The following GLIS2 variants were observed in gnomAD, a reference collection of about 807,000 sequenced individuals.
GLIS2 encodes the protein GLIS family zinc finger 2, also known as zinc finger protein GLIS2.
Under a neutral mutation model 35.6 loss-of-function variants are expected in GLIS2, and 14 were observed. The ratio of observed to expected loss-of-function variants is 0.39; its 90% confidence interval spans 0.26 to 0.61. The LOEUF (loss-of-function observed/expected upper bound fraction) is 0.61. Ranked by LOEUF, GLIS2 falls within the 20% of genes least tolerant of loss-of-function variation. The pLI is 0.48. For synonymous variants in GLIS2, 368 were observed against 325.1 expected (o/e 1.13, Z -1.42); for missense variants, 675 against 713.4 (o/e 0.95, Z 0.61).
intron 1 of GLIS2, among the ~76,000 whole-genome samples, chr16:4,323,444 AGCAGCGGGCAG>A (rs1261545906): frequency 3.9e-5 from 6 of 151,954 alleles, no homozygotes; most frequent in African/African-American, 9.7e-5. Flanking sequence ...GCAAAGGTGC[AGCAGCGGGCAG>A]GCAGCGGGGG....
chr16:4,335,305 C>G lies in GLIS2; in HGVS notation c.687C>G (p.His229Gln). Residue 229 changes from histidine (H) to glutamine (Q), a missense_variant, in exon 6 of 7, where the codon CAC (histidine) becomes CAG (glutamine). Physicochemically the swap from His to Gln is conservative, Grantham distance 24. Around this residue, in one of 3 missense-constraint regions of GLIS2, gnomAD observed 133 missense variants for 191.4 expected, o/e 0.69. Transcript: ENST00000433375. The surrounding 1 kb of genome is among the most constrained non-coding windows in gnomAD (Gnocchi z 4.6). ...AGATGCTCATCCACATCCGCACACA[C>G]ACCAACGAGAAGCCACACCGCTGTC... ...RYKMLIHIRT[H>Q]TNEKPHRCPT... 1 of 1,613,848 alleles carries G rather than the reference C, an allele frequency of 6.2e-7. No homozygotes were observed. The highest frequency in any genetic ancestry group is 8.5e-7 in the Non-Finnish European group (1 of 1,180,036).
At position 4,333,334 on chromosome 16, in the gene GLIS2, G is replaced by C; in HGVS notation, c.173-13G>C. ...TACACTCCAGCACACCCTGAACTGT[G>C]CCTCTCCCTCAGGCTTCCTGCTGAA... On this transcript the variant is annotated splice_polypyrimidine_tract_variant and intron_variant, in intron 2 of 6. Coordinates refer to ENST00000433375, the MANE Select transcript of GLIS2 (RefSeq NM_032575.3). The C allele has an allele frequency of 6.2e-7, 1 of 1,612,664 alleles. No individual in the cohort carries two copies. Among genetic ancestry groups the C allele is most frequent in the Non-Finnish European group, 8.5e-7 (1 of 1,180,002 alleles).
chr16:4,327,882 C>T (rs544699965), intron 1 of GLIS2, among the ~76,000 whole-genome samples: 1 of 152,282 alleles, frequency 6.6e-6, no homozygotes, highest in African/African-American at 2.4e-5. Flanking sequence ...CGGCCACCCC[C>T]ACCCCCCACC....
chr16:4,337,320 C>T lies in GLIS2; in HGVS notation c.1371C>T (p.Gly457=). 1.3e-6 allele frequency: 2 copies of T among 1,574,902 alleles called. No homozygotes were observed. The highest frequency in any genetic ancestry group is 1.2e-5 in the South Asian group (1 of 86,166). Residue 457 remains glycine (G), a synonymous_variant, in exon 7 of 7, where the codon GGC becomes GGT. Transcript: ENST00000433375. ...GGTCGGTGCCCACCAGGGCCCTGGG[C>T]ATGGAGGGCCACAAGACGCCCCTTG... The part of the protein sequence containing the change: ...GRGSVPTRAL[G]MEGHKTPLER...
rs898903905 is a variant in GLIS2, at chr16:4,321,552, G to A, written c.-67+5298G>A. Reference sequence around the variant, plus strand: ...GAGTGGTTGGGGTTGTTGGAGCTTCGGCTGTCCTCTCAGCAGGCCCCCTCC... The same window carrying A: ...GAGTGGTTGGGGTTGTTGGAGCTTCAGCTGTCCTCTCAGCAGGCCCCCTCC... On this transcript the variant is annotated intron_variant, in intron 1 of 6. Transcript: ENST00000433375. Among the ~76,000 whole-genome samples, 6 of 152,134 alleles carry A rather than the reference G, an allele frequency of 3.9e-5. No homozygotes were observed. The South Asian group carries it at 6.2e-4, about 16-fold the overall frequency.
chr16:4,331,143 AT>A lies in GLIS2; in HGVS notation c.-66-1061del, dbSNP rs373525092. ...AGGCGCCCGCCACCACACCTGGCTA[AT>A]TTTTTTTTTTGTTATTTAATAGAGT... On this transcript the variant is annotated intron_variant, in intron 1 of 6. Transcript: ENST00000433375. Among the ~76,000 whole-genome samples, 262 of 147,500 alleles carry A rather than the reference AT, an allele frequency of 1.8e-3. 4 individuals are homozygous for A. The highest frequency in any genetic ancestry group is 5.5e-3 in the African/African-American group (222 of 40,488).
At chr16:4,317,823 G>C (rs1405168067) in intron 1 of GLIS2, among the ~76,000 whole-genome samples, 1 of 152,144 alleles carries the variant, frequency 6.6e-6, no homozygotes, top group African/African-American at 2.4e-5. Context: ...GGGGTGTGCG[G>C]ACCCCTTGGA....
chr16:4,317,472 C>T (rs1391035100), intron 1 of GLIS2, among the ~76,000 whole-genome samples: 1 of 152,156 alleles, frequency 6.6e-6, no homozygotes, highest in Non-Finnish European at 1.5e-5. Context: ...GGCCTTCCAG[C>T]CCCCGGGCTC....
Position 4,332,151 on chromosome 16 carries a change from T to G in GLIS2, c.-66-64T>G. 1 of 1,163,400 alleles carries G rather than the reference T, an allele frequency of 8.6e-7. No homozygotes were observed. The highest frequency in any genetic ancestry group is 1.2e-6 in the Non-Finnish European group (1 of 807,238). The allele number at this position is 1,163,400 out of a possible 1,614,324, so 72.1% of individuals were successfully genotyped here. On this transcript the variant is annotated intron_variant, in intron 1 of 6. Coordinates refer to ENST00000433375, the MANE Select transcript of GLIS2 (RefSeq NM_032575.3). The surrounding 1 kb of genome is among the most constrained non-coding windows in gnomAD (Gnocchi z 5.4). ...TGCTCCTGCTCCTGTTAGACTGTCA[T>G]GAGTACAGCCCGAGGAGAAGCCTGG...
chr16:4,316,307 G>T (rs1170900568), intron 1 of GLIS2, among the ~76,000 whole-genome samples, 53 bp downstream of exon 1: 2 of 143,924 alleles, frequency 1.4e-5, no homozygotes, highest in Admixed American at 6.8e-5. Flanking sequence ...GGCGGGGGGG[G>T]GGGGGCCCGC....
At chr16:4,333,882 G>A (rs2053522779) in intron 3 of GLIS2, among the ~76,000 whole-genome samples, 2 of 152,198 alleles carry the variant, frequency 1.3e-5, no homozygotes, top group South Asian at 4.1e-4. Context: ...GGAGGCTAAA[G>A]TGGGAAGATC....
At position 4,320,115 on chromosome 16, in the gene GLIS2, C is replaced by G. The variant is rs1034417460; in HGVS notation, c.-67+3861C>G. Among the ~76,000 whole-genome samples, 1 of 152,112 alleles carries G rather than the reference C, an allele frequency of 6.6e-6. No individual in the cohort carries two copies. The highest frequency in any genetic ancestry group is 2.4e-5 in the African/African-American group (1 of 41,420). ...TGCTTGAGAGGCCAGGTAGTGCCCACCGCAGGGAGGGGCCGGCCTGTGAGT... is the reference window on the plus strand; with the variant it reads ...TGCTTGAGAGGCCAGGTAGTGCCCAGCGCAGGGAGGGGCCGGCCTGTGAGT... On this transcript the variant is annotated intron_variant, in intron 1 of 6. Transcript: ENST00000433375. The surrounding 1 kb of genome is among the most constrained non-coding windows in gnomAD (Gnocchi z 5.6).
intron 1 of GLIS2, among the ~76,000 whole-genome samples, chr16:4,325,036 G>A (rs1245564782): frequency 5.9e-5 from 9 of 152,316 alleles, no homozygotes; most frequent in South Asian, 2.1e-4. Flanking sequence ...GCAGGGAGCC[G>A]CAGCTGGTTC....
intron 1 of GLIS2, among the ~76,000 whole-genome samples, chr16:4,327,972 C>T (rs1479716184): frequency 6.6e-6 from 1 of 151,926 alleles, no homozygotes; most frequent in East Asian, 1.9e-4. Context: ...GCTGAGTGCT[C>T]GAGAGACGCG....
At chr16:4,329,009 G>A (rs1160893982) in intron 1 of GLIS2, 1 of 152,268 alleles carries the variant, frequency 6.6e-6, no homozygotes, top group Non-Finnish European at 1.5e-5. Context: ...GCTGTGGGGA[G>A]GCCTGTGGCC....
chr16:4,315,794 C>G (rs575886929), upstream of GLIS2, among the ~76,000 whole-genome samples: 582 of 150,628 alleles, frequency 3.9e-3, 4 homozygotes, highest in Non-Finnish European at 6.9e-3. Context: ...CCCCCTCCCT[C>G]GGCCCAGCGC....
chr16:4,315,095 G>A (rs1191194274), upstream of GLIS2: 3 of 152,224 alleles, frequency 2.0e-5, no homozygotes, highest in Non-Finnish European at 2.9e-5. Context: ...ATGTCCAGGA[G>A]GGATCTAGAC....
chr16:4,332,353 G>A lies in GLIS2; in HGVS notation c.73G>A (p.Glu25Lys). 1.2e-6 allele frequency: 2 copies of A among 1,613,202 alleles called. No homozygotes were observed. The highest frequency in any genetic ancestry group is 1.7e-6 in the Non-Finnish European group (2 of 1,180,028). The change falls in exon 2 of 7, where the codon GAG becomes AAG. Residue 25 changes from glutamate (E) to lysine (K), a missense_variant. Coordinates refer to ENST00000433375, the MANE Select transcript of GLIS2 (RefSeq NM_032575.3). This position sits in a 1 kb window ranked among gnomAD's most constrained non-coding sequence, Gnocchi z 5.4. ...GCTCCGGGCGGCAAGAGAGAAGCGG[G>A]AGAGGACGCTGGGTGTGGTCCGGCC... ...TKLRAAREKR[E>K]RTLGVVRPRA...
intron 1 of GLIS2, among the ~76,000 whole-genome samples, 95 bp downstream of exon 1, chr16:4,316,349 C>T (rs1321654302): frequency 7.3e-6 from 1 of 136,442 alleles, no homozygotes; most frequent in South Asian, 2.4e-4. Flanking sequence ...GCCCGAGGGT[C>T]TCCTCCCCCG....
Sources: allele counts gnomAD v4.1 joint callset (sites outside exome capture counted in the v4.1 genomes callset), GRCh38; gene constraint gnomAD v4.1.1; regional missense constraint gnomAD v4.1.1; non-coding constraint Gnocchi (gnomAD v3.1); transcripts MANE v1.5; gene names NCBI Gene and HGNC (gene_info 2026-07-23, HGNC 2026-07-21).